FBXL17: variants seen among roughly 807,000 people sequenced by gnomAD.
The protein encoded by FBXL17 is F-box and leucine rich repeat protein 17, also known as F-box/LRR-repeat protein 17.
Under a neutral mutation model 66.2 loss-of-function variants are expected in FBXL17, and 22 were observed. That is an observed-to-expected ratio of 0.33 (90% confidence interval 0.24 to 0.47). FBXL17 has a LOEUF of 0.47. FBXL17 is among the 20% of genes least tolerant of loss of function. The probability of loss-of-function intolerance (pLI) is 1.00; values close to 1 mark genes in which losing one functional copy is unlikely to be tolerated. For missense variants in FBXL17, 878 were observed against 948.2 expected, an observed-to-expected ratio of 0.93 and a Z score of 0.97; for synonymous variants, 474 against 400.5, an observed-to-expected ratio of 1.18 and a Z score of -2.19.
intron 6 of FBXL17, among the ~76,000 whole-genome samples, chr5:108,022,826 G>A (rs563713425): frequency 1.1e-3 from 160 of 152,092 alleles, no homozygotes; most frequent in Middle Eastern, 6.8e-3. Flanking sequence ...TAGTACATAA[G>A]CAACAAGAAC....
chr5:108,258,191 C>A (rs1289543889), intron 4 of FBXL17, among the ~76,000 whole-genome samples: 1 of 152,120 alleles, frequency 6.6e-6, no homozygotes, highest in Non-Finnish European at 1.5e-5. Context: ...TTCAACAGGG[C>A]CGTGGCTTTA....
At chr5:108,294,368 T>A (rs1036674081) in intron 4 of FBXL17, among the ~76,000 whole-genome samples, 3 of 151,298 alleles carry the variant, frequency 2.0e-5, no homozygotes, top group African/African-American at 7.3e-5. Context: ...ATTCTTCTTA[T>A]TTTATTGTCT....
intron 7 of FBXL17, among the ~76,000 whole-genome samples, chr5:107,998,255 T>C (rs1226976723): frequency 6.6e-6 from 1 of 152,242 alleles, no homozygotes; most frequent in Non-Finnish European, 1.5e-5. Context: ...TTTTAAATTA[T>C]CTATGCAGCT....
At chr5:108,324,616 C>T (rs938619999) in intron 4 of FBXL17, among the ~76,000 whole-genome samples, 1 of 152,002 alleles carries the variant, frequency 6.6e-6, no homozygotes, top group Non-Finnish European at 1.5e-5. Flanking sequence ...AAAGAAGGGT[C>T]TCAAAGACAT....
At chr5:108,272,246 G>T (rs991615877) in intron 4 of FBXL17, among the ~76,000 whole-genome samples, 1 of 151,816 alleles carries the variant, frequency 6.6e-6, no homozygotes, top group Non-Finnish European at 1.5e-5. Context: ...ACCCGAGATC[G>T]CGCCACCGCA....
At chr5:108,022,690 T>C (rs1366733235) in intron 6 of FBXL17, among the ~76,000 whole-genome samples, 1 of 152,138 alleles carries the variant, frequency 6.6e-6, no homozygotes, top group African/African-American at 2.4e-5. Flanking sequence ...AATATCCTAT[T>C]TATCTTCCTT....
At chr5:108,295,142 C>G (rs1276892286) in intron 4 of FBXL17, among the ~76,000 whole-genome samples, 2 of 151,954 alleles carry the variant, frequency 1.3e-5, no homozygotes, top group South Asian at 2.1e-4. Context: ...TTTACTGAAA[C>G]TTTACACAAT....
rs762480225 is a variant in FBXL17, at chr5:107,954,252, T to C, written c.1822+66673A>G. Among the ~76,000 whole-genome samples the C allele has an allele frequency of 7.1e-4, 108 of 152,332 alleles. 2 individuals carry two copies. The Middle Eastern group carries it at 0.014, about 19-fold the overall frequency. On this transcript the variant is annotated intron_variant, in intron 7 of 8. Transcript: ENST00000542267. ...GAGAAAAGTTATGCACAAAATAAAA[T>C]GGATATAAAATAACCATCAAGTATT... is the stretch of plus-strand genomic sequence containing the variant.
intron 6 of FBXL17, among the ~76,000 whole-genome samples, chr5:108,027,282 A>C (rs776966036): frequency 7.2e-5 from 11 of 152,148 alleles, no homozygotes; most frequent in Non-Finnish European, 1.5e-4. Context: ...AAGACGATTA[A>C]ATGTTTTTCT....
intron 4 of FBXL17, among the ~76,000 whole-genome samples, chr5:108,296,997 C>A (rs1758375209): frequency 6.6e-6 from 1 of 151,056 alleles, no homozygotes; most frequent in African/African-American, 2.4e-5. Flanking sequence ...ATTTTATTAT[C>A]TTAAATATTA....
intron 7 of FBXL17, among the ~76,000 whole-genome samples, chr5:107,949,183 T>TAA (rs11380062): frequency 0.011 from 1,529 of 141,968 alleles, 17 homozygotes; most frequent in African/African-American, 0.03. Flanking sequence ...ATGCACTTCA[T>TAA]AAAAAAAAAA....
chr5:107,922,474 A>G (rs1482410624), intron 7 of FBXL17, among the ~76,000 whole-genome samples: 1 of 152,180 alleles, frequency 6.6e-6, no homozygotes, highest in Non-Finnish European at 1.5e-5. Flanking sequence ...ATAGACCTTG[A>G]AAACATAATA....
At chr5:108,051,291 A>G (rs1272550343) in intron 6 of FBXL17, among the ~76,000 whole-genome samples, 2 of 152,242 alleles carry the variant, frequency 1.3e-5, no homozygotes, top group African/African-American at 4.8e-5. Flanking sequence ...AACAAAAAAG[A>G]AAACTTCACA....
At chr5:108,047,288 C>T (rs1022141346) in intron 6 of FBXL17, among the ~76,000 whole-genome samples, 2 of 152,204 alleles carry the variant, frequency 1.3e-5, no homozygotes, top group East Asian at 1.9e-4. Context: ...CTGTGCTTTC[C>T]GCATGGAACT....
At chr5:108,211,381 G>A (rs1754363410) in intron 5 of FBXL17, among the ~76,000 whole-genome samples, 1 of 152,106 alleles carries the variant, frequency 6.6e-6, no homozygotes, top group Non-Finnish European at 1.5e-5. Context: ...ATGCTAGCTG[G>A]TTCTTTTGCT....
intron 3 of FBXL17, among the ~76,000 whole-genome samples, chr5:108,349,146 A>G (rs1440570225): frequency 1.3e-5 from 2 of 152,322 alleles, no homozygotes; most frequent in East Asian, 3.9e-4. Context: ...TATAATGCTT[A>G]AAGGAATAAA....
chr5:108,154,096 G>A (rs1009430229), intron 6 of FBXL17, among the ~76,000 whole-genome samples: 1 of 151,814 alleles, frequency 6.6e-6, no homozygotes, highest in African/African-American at 2.4e-5. Context: ...GTAAATGGTG[G>A]GTTACTTTAC....
In FBXL17 at chr5:107,860,749, G is replaced by C. The variant is rs540240902; in HGVS notation, c.*971C>G. ...GATTGTCTACTTATATCTCACTCAT[G>C]AATCTTCTATTAATGTGACTACCCT... On this transcript the variant is annotated 3_prime_UTR_variant, in exon 9 of 9. Transcript: ENST00000542267. The C allele has an allele frequency of 6.6e-6, 1 of 152,570 alleles. No homozygotes were observed. Among genetic ancestry groups the C allele is most frequent in the East Asian group, 1.9e-4 (1 of 5,202 alleles). The allele number at this position is 152,570 out of a possible 1,614,324, so 9.5% of individuals were successfully genotyped here.
At position 107,996,083 on chromosome 5, in the gene FBXL17, T is replaced by C. The variant is rs534819998; in HGVS notation, c.1822+24842A>G. On this transcript the variant is annotated intron_variant, in intron 7 of 8. Transcript: ENST00000542267. ...ACCAAAAACTCAACAACTTGGACCA[T>C]GTCTAAATGCTCAAAAAACATGACA... Among the ~76,000 whole-genome samples, 12 of 152,310 alleles carry C rather than the reference T, an allele frequency of 7.9e-5. No individual in the cohort carries two copies. In the South Asian group the frequency reaches 2.3e-3, roughly 29 times the overall value.
Sources: gnomAD v4.1 joint callset for allele counts (sites outside exome capture counted in the v4.1 genomes callset) on GRCh38, gnomAD v4.1.1 for gene constraint, MANE v1.5 for transcripts, NCBI Gene and HGNC (gene_info 2026-07-23, HGNC 2026-07-21) for gene names.